The following MYO15A variants were observed in gnomAD, a reference collection of about 807,000 sequenced individuals.
MYO15A encodes myosin XVA, also known as unconventional myosin-XV.
Under a neutral mutation model 394.6 loss-of-function variants are expected in MYO15A, and 308 were observed. The ratio of observed to expected loss-of-function variants is 0.78; its 90% CI spans 0.71 to 0.86. The LOEUF is 0.86. Ranked by LOEUF, MYO15A falls within the 40% of genes least tolerant of loss-of-function variation. MYO15A has a pLI of 0.00. For missense variants in MYO15A, 4,606 were observed against 4,799.1 expected, an observed-to-expected ratio of 0.96 and a Z score of 1.19; for synonymous variants, 1,957 against 2,003.8, an observed-to-expected ratio of 0.98 and a Z score of 0.62.
Position 18,141,069 on chromosome 17 carries a change from AG to A in MYO15A, c.5461del (p.Val1821CysfsTer5), listed in dbSNP as rs764867438. On this transcript the variant is annotated frameshift_variant, in exon 22 of 66. Transcript: ENST00000647165. LOFTEE classifies it high-confidence loss of function. ...DVVMAQLRYS[G>X]VLETVRIRKE... ...TGGTAATGGCACAATTACGCTATTC[AG>A]GGGTGCTGGAGACCGTGAGGATCCG... The A allele has an allele frequency of 3.1e-6, 5 of 1,614,040 alleles. 1 individual carries two copies. The South Asian group carries it at 4.4e-5, about 14-fold the overall frequency.
rs572031237 is a variant in MYO15A at position 18,176,291 on chromosome 17, G to C, written c.10491+2370G>C. 3.4e-4 allele frequency among the ~76,000 whole-genome samples: 51 copies of C among 152,228 alleles called. No homozygotes were observed. The East Asian group carries it at 8.9e-3, about 27-fold the overall frequency. On this transcript the variant is annotated intron_variant, in intron 65 of 65. Transcript: ENST00000647165. ...CAGCATCTGCTTGGCTTCTGTGGAG[G>C]CCTCACGAAGCTTTTACTCAAGGCA...
chr17:18,157,109 G>A (rs2046688576), intron 49 of MYO15A, 44 bp downstream of exon 49: 1 of 1,611,604 alleles, frequency 6.2e-7, no homozygotes, highest in Admixed American at 1.7e-5. Context: ...GGGGAGGCTG[G>A]CCAAGGGGGC....
At chr17:18,154,985 T>C (rs990199695) in intron 45 of MYO15A, 125 bp from the exon 46 acceptor site, 2 of 1,041,068 alleles carry the variant, frequency 1.9e-6, no homozygotes, top group Non-Finnish European at 2.9e-6. Context: ...GTTTCAGTTT[T>C]CTAGTATAGA....
At chr17:18,125,295 G>C in intron 4 of MYO15A, 64 bp downstream of exon 4, 2 of 1,496,626 alleles carry the variant, frequency 1.3e-6, no homozygotes, top group South Asian at 2.3e-5. Flanking sequence ...CCTGGGGCCG[G>C]GTGGGACGCA....
At chr17:18,175,672 C>T (rs956021988) in intron 65 of MYO15A, among the ~76,000 whole-genome samples, 1 of 152,112 alleles carries the variant, frequency 6.6e-6, no homozygotes, top group Non-Finnish European at 1.5e-5. Context: ...GCTTTCAAAA[C>T]CATGTCTACC....
chr17:18,174,666 C>T (rs899487480), intron 65 of MYO15A, among the ~76,000 whole-genome samples: 2 of 152,158 alleles, frequency 1.3e-5, no homozygotes, highest in African/African-American at 4.8e-5. Flanking sequence ...AAGTCTCACA[C>T]CCCCCTGGGG....
chr17:18,169,559 C>T (rs1021830360), intron 62 of MYO15A: 2 of 151,952 alleles, frequency 1.3e-5, no homozygotes, highest in Admixed American at 6.6e-5. Context: ...ATTGCTTGAA[C>T]GCAAGAGGCA....
chr17:18,135,871 C>A, intron 13 of MYO15A, 47 bp downstream of exon 13: 1 of 1,540,260 alleles, frequency 6.5e-7, no homozygotes, highest in Non-Finnish European at 8.9e-7. Flanking sequence ...TCTACCAGGG[C>A]CTGGACAGAG....
chr17:18,138,381 C>G, intron 17 of MYO15A, 135 bp downstream of exon 17: 1 of 1,126,252 alleles, frequency 8.9e-7, no homozygotes, highest in South Asian at 1.3e-5. Context: ...ACCCGACCTA[C>G]TATTCACAAC....
Position 18,151,221 on chromosome 17 carries a change from G to T in MYO15A, c.7585G>T (p.Ala2529Ser), listed in dbSNP as rs781037020. ...KPLAPAPLAK[A>S]PRLPIKPVAA... ...CTTGGCCCCAGCCCCTCTGGCCAAG[G>T]CTCCAAGGCTCCCCATCAAGCCTGT... The change falls in exon 39 of 66, where the codon GCT (alanine) becomes TCT (serine). Residue 2529 changes from alanine to serine, a missense_variant. This residue lies in a region of MYO15A where 2,776 missense variants were observed against 3,109.3 expected (regional missense o/e 0.89). Coordinates refer to ENST00000647165, the MANE Select transcript of MYO15A (RefSeq NM_016239.4). The T allele has an allele frequency of 1.2e-6, 2 of 1,613,980 alleles. No homozygotes were observed. Among genetic ancestry groups the T allele is most frequent in the East Asian group, 4.5e-5 (2 of 44,846 alleles).
chr17:18,118,722 G>T lies in MYO15A; in HGVS notation c.-79G>T. 1 of 1,600,050 alleles carries T rather than the reference G, an allele frequency of 6.2e-7. No individual in the cohort carries two copies. Among genetic ancestry groups the T allele is most frequent in the South Asian group, 1.1e-5 (1 of 88,480 alleles). ...GCCGCGTGTCCAGCCGCGGGCAAGAGACAGAGCAGGTCCCTGTGTCTCCAA... is the reference window on the plus strand; with the variant it reads ...GCCGCGTGTCCAGCCGCGGGCAAGATACAGAGCAGGTCCCTGTGTCTCCAA... On this transcript the variant is annotated 5_prime_UTR_variant, in exon 2 of 66. Transcript: ENST00000647165.
At position 18,163,740 on chromosome 17, in the gene MYO15A, A is replaced by C; in HGVS notation, c.9691-2A>C. 6.2e-7 allele frequency: 1 copy of C among 1,612,008 alleles called. No individual in the cohort carries two copies. The highest frequency in any genetic ancestry group is 8.5e-7 in the Non-Finnish European group (1 of 1,178,904). On this transcript the variant is annotated splice_acceptor_variant, in intron 59 of 65. Coordinates refer to ENST00000647165, the MANE Select transcript of MYO15A (RefSeq NM_016239.4). LOFTEE classifies it high-confidence loss of function. ...GCCTCATCTCTTCCGCCCCACCCCC[A>C]GGTGGCCCTGGACGTGGTGGAAGAG...
In MYO15A at chr17:18,119,322, C is replaced by A; in HGVS notation, c.522C>A (p.Phe174Leu). 2 of 1,610,298 alleles carry A rather than the reference C, an allele frequency of 1.2e-6. No individual in the cohort carries two copies. Among genetic ancestry groups the A allele is most frequent in the Non-Finnish European group, 1.7e-6 (2 of 1,179,494 alleles). Reference protein sequence around the residue: ...SSRMGSRKLPFPSGAEILRPG... With the variant: ...SSRMGSRKLPLPSGAEILRPG... ...GCATGGGCTCCCGCAAACTCCCCTT[C>A]CCGTCGGGTGCCGAGATCCTGCGGC... The change falls in exon 2 of 66, where the codon TTC becomes TTA. Residue 174 changes from phenylalanine (F) to leucine (L), a missense_variant. Coordinates refer to ENST00000647165, the MANE Select transcript of MYO15A (RefSeq NM_016239.4).
Position 18,148,291 on chromosome 17 carries a change from G to C in MYO15A, c.6691+81G>C. The stretch of plus-strand genomic sequence containing the variant: ...AGCCCCGGGGATGGCAGAAGCCACT[G>C]GATGTTCTGGAGCTGGGGAGGGGCC... On this transcript the variant is annotated intron_variant, in intron 31 of 65. Transcript: ENST00000647165. This position sits in a 1 kb window ranked among gnomAD's most constrained non-coding sequence, Gnocchi z 4.8. 6.3e-7 allele frequency: 1 copy of C among 1,574,948 alleles called. No homozygotes were observed. The highest frequency in any genetic ancestry group is 8.6e-7 in the Non-Finnish European group (1 of 1,158,498).
chr17:18,132,716 G>T lies in MYO15A; in HGVS notation c.4320+150G>T. 1 of 697,154 alleles carries T rather than the reference G, an allele frequency of 1.4e-6. No homozygotes were observed. Among genetic ancestry groups the T allele is most frequent in the South Asian group, 1.6e-5 (1 of 63,146 alleles). The allele number at this position is 697,154 out of a possible 1,614,324, so 43.2% of individuals were successfully genotyped here. A position where few individuals can be genotyped will look rare whatever the true frequency, so the allele number is the denominator to read the frequency against. ...GAGTTTGGATTTAAGACATCTCATG[G>T]CAGTGAGGGGGACCAGGAGTCTTCT... is the stretch of plus-strand genomic sequence containing the variant. On this transcript the variant is annotated intron_variant, in intron 11 of 65. Transcript: ENST00000647165. This position sits in a 1 kb window ranked among gnomAD's most constrained non-coding sequence, Gnocchi z 4.6.
Position 18,179,074 on chromosome 17 carries a change from T to G in MYO15A, c.*204T>G. On this transcript the variant is annotated 3_prime_UTR_variant, in exon 66 of 66. Coordinates refer to ENST00000647165, the MANE Select transcript of MYO15A (RefSeq NM_016239.4). ...GGGATGGAATGGCAGCATGCAAACT[T>G]GGATCAGATAGCAGGAGGAACTTTC... is the stretch of plus-strand genomic sequence containing the variant. The G allele has an allele frequency of 1.6e-6, 1 of 630,958 alleles. No individual in the cohort carries two copies. Among genetic ancestry groups the G allele is most frequent in the Non-Finnish European group, 2.8e-6 (1 of 353,922 alleles). 39.1% of individuals were successfully genotyped at this position (630,958 alleles called of 1,614,324 possible).
At position 18,118,711 on chromosome 17, in the gene MYO15A, C is replaced by T. The variant is rs2045830011; in HGVS notation, c.-90C>T. On this transcript the variant is annotated 5_prime_UTR_variant, in exon 2 of 66. Coordinates refer to ENST00000647165, the MANE Select transcript of MYO15A (RefSeq NM_016239.4). Reference sequence around the variant, plus strand: ...AGCCCGAGGAGGCCGCGTGTCCAGCCGCGGGCAAGAGACAGAGCAGGTCCC... The same window carrying T: ...AGCCCGAGGAGGCCGCGTGTCCAGCTGCGGGCAAGAGACAGAGCAGGTCCC... 3 of 1,590,010 alleles carry T rather than the reference C, an allele frequency of 1.9e-6. No individual in the cohort carries two copies. The highest frequency in any genetic ancestry group is 1.3e-5 in the African/African-American group (1 of 74,340).
At chr17:18,133,488 A>T (rs1441271729) in intron 12 of MYO15A, 102 bp downstream of exon 12, 1 of 1,438,076 alleles carries the variant, frequency 7.0e-7, no homozygotes, top group Non-Finnish European at 9.4e-7. Context: ...CTATGCACAT[A>T]TCACTTGTTC....
chr17:18,159,525 G>A (rs2046743128), intron 54 of MYO15A, 81 bp from the exon 55 acceptor site: 4 of 1,543,492 alleles, frequency 2.6e-6, no homozygotes, highest in Non-Finnish European at 2.7e-6. Context: ...CTCCCAGGGA[G>A]GGGCTCAGCC....
Sources: allele counts gnomAD v4.1 joint callset (sites outside exome capture counted in the v4.1 genomes callset), GRCh38; gene constraint gnomAD v4.1.1; regional missense constraint gnomAD v4.1.1; non-coding constraint Gnocchi (gnomAD v3.1); transcripts MANE v1.5; gene names NCBI Gene and HGNC (gene_info 2026-07-23, HGNC 2026-07-21).